The following GPR39 variants were observed in gnomAD, a reference collection of about 807,000 sequenced individuals.
GPR39 encodes zinc sensing receptor.
Under a neutral mutation model 18.4 loss-of-function variants are expected in GPR39, and 23 were observed. The ratio of observed to expected loss-of-function variants is 1.25; its 90% CI spans 0.90 to 1.77. The LOEUF is 1.77. Among genes scored for constraint, GPR39 ranks in the 40% most tolerant of loss-of-function variants. The pLI, the probability that GPR39 is intolerant of heterozygous loss-of-function variation, is 0.00. For synonymous variants in GPR39, 280 were observed against 257.9 expected, an observed-to-expected ratio of 1.09 and a Z score of -0.82; for missense variants, 647 against 602.4, an observed-to-expected ratio of 1.07 and a Z score of -0.78.
chr2:132,593,763 T>C (rs1464815668), intron 1 of GPR39, among the ~76,000 whole-genome samples: 2 of 152,028 alleles, frequency 1.3e-5, no homozygotes, highest in Admixed American at 1.3e-4. Context: ...CAGGTCCTGG[T>C]TGGAGGATGA....
rs557623743 is a variant in GPR39 at position 132,557,272 on chromosome 2, C to T, written c.857-87829C>T. ...AGGGGAAGTTGGAGTGAACCAAGAT[C>T]GCACCATTGCACTCCAGCCTGGGCA... On this transcript the variant is annotated intron_variant, in intron 1 of 1. Coordinates refer to ENST00000329321, the MANE Select transcript of GPR39 (RefSeq NM_001508.3). 2.6e-4 allele frequency among the ~76,000 whole-genome samples: 39 copies of T among 152,212 alleles called. 2 individuals are homozygous for T. Among genetic ancestry groups the T allele is most frequent in the East Asian group, 1.9e-3 (10 of 5,156 alleles).
intron 1 of GPR39, among the ~76,000 whole-genome samples, chr2:132,591,522 G>C (rs1211122937): frequency 6.6e-6 from 1 of 152,138 alleles, no homozygotes; most frequent in Non-Finnish European, 1.5e-5. Context: ...TCAGCTTGCA[G>C]AGGGCCTATT....
intron 1 of GPR39, among the ~76,000 whole-genome samples, chr2:132,588,049 T>C (rs1680762539): frequency 6.6e-6 from 1 of 152,130 alleles, no homozygotes; most frequent in Non-Finnish European, 1.5e-5. Context: ...GTATAGGATC[T>C]TGACATCCTA....
chr2:132,425,945 C>T (rs1304076662), intron 1 of GPR39, among the ~76,000 whole-genome samples: 1 of 152,176 alleles, frequency 6.6e-6, no homozygotes, highest in East Asian at 1.9e-4. Flanking sequence ...CATACCTTGC[C>T]TGGATCTCTG....
intron 1 of GPR39, among the ~76,000 whole-genome samples, chr2:132,639,307 C>T (rs1158067878): frequency 6.6e-6 from 1 of 152,014 alleles, no homozygotes; most frequent in African/African-American, 2.4e-5. Flanking sequence ...AGATGTCTAA[C>T]CCTTGCTCAC....
chr2:132,623,741 T>C lies in GPR39; in HGVS notation c.857-21360T>C, dbSNP rs555829734. Among the ~76,000 whole-genome samples the C allele has an allele frequency of 5.3e-5, 8 of 152,280 alleles. No homozygotes were observed. The South Asian group carries it at 1.2e-3, about 24-fold the overall frequency. Reference sequence around the variant, plus strand: ...CTTCTAGCTGGAAACATTTCTGTGATGATTAAAGCAAAAATCCTGGAACCC... The same window carrying C: ...CTTCTAGCTGGAAACATTTCTGTGACGATTAAAGCAAAAATCCTGGAACCC... On this transcript the variant is annotated intron_variant, in intron 1 of 1. Coordinates refer to ENST00000329321, the MANE Select transcript of GPR39 (RefSeq NM_001508.3).
chr2:132,618,824 G>C (rs1395229574), intron 1 of GPR39, among the ~76,000 whole-genome samples: 1 of 152,250 alleles, frequency 6.6e-6, no homozygotes, highest in African/African-American at 2.4e-5. Flanking sequence ...CTGTGGTTGT[G>C]GAGGTCCCTA....
chr2:132,441,706 A>G (rs965642415), intron 1 of GPR39, among the ~76,000 whole-genome samples: 2 of 152,194 alleles, frequency 1.3e-5, no homozygotes, highest in African/African-American at 4.8e-5. Context: ...GAGGAAAGCA[A>G]TAGTTTAAAC....
Position 132,646,516 on chromosome 2 carries a change from A to G in GPR39, c.*910A>G, listed in dbSNP as rs1387679438. ...GTTCCAAAAGCGATTTGAGATGCCA[A>G]TACCTGTGAATACCTGTTAATAAAG... is the stretch of plus-strand genomic sequence containing the variant. On this transcript the variant is annotated 3_prime_UTR_variant, in exon 2 of 2. Transcript: ENST00000329321. 2 of 385,684 alleles carry G rather than the reference A, an allele frequency of 5.2e-6. No individual in the cohort carries two copies. The highest frequency in any genetic ancestry group is 4.1e-5 in the African/African-American group (2 of 48,406). 23.9% of individuals were successfully genotyped at this position (385,684 alleles called of 1,614,324 possible). A position where few individuals can be genotyped will look rare whatever the true frequency, so the allele number is the denominator to read the frequency against.
At chr2:132,594,592 C>T (rs1680904288) in intron 1 of GPR39, among the ~76,000 whole-genome samples, 1 of 151,718 alleles carries the variant, frequency 6.6e-6, no homozygotes, top group Non-Finnish European at 1.5e-5. Flanking sequence ...TCCCTGCCTC[C>T]CACCCAAACC....
intron 1 of GPR39, among the ~76,000 whole-genome samples, chr2:132,464,853 G>A (rs1226864252): frequency 1.3e-5 from 2 of 152,160 alleles, no homozygotes; most frequent in East Asian, 3.9e-4. Context: ...TATTAGTCTT[G>A]TTCTCTTACA....
chr2:132,569,020 A>G (rs926025435), intron 1 of GPR39, among the ~76,000 whole-genome samples: 10 of 152,062 alleles, frequency 6.6e-5, no homozygotes, highest in Admixed American at 2.6e-4. Flanking sequence ...TGCATAGACT[A>G]AGCGCCTTGG....
chr2:132,487,805 T>G (rs1681372457), intron 1 of GPR39, among the ~76,000 whole-genome samples: 1 of 151,960 alleles, frequency 6.6e-6, no homozygotes, highest in Non-Finnish European at 1.5e-5. Context: ...ATGAGAAAGT[T>G]TACAGATATC....
At chr2:132,597,335 A>G (rs1231945261) in intron 1 of GPR39, among the ~76,000 whole-genome samples, 1 of 152,212 alleles carries the variant, frequency 6.6e-6, no homozygotes, top group Non-Finnish European at 1.5e-5. Context: ...AAACTTCTGC[A>G]AACCCTTTCT....
chr2:132,619,830 GACACAC>G (rs59907073), intron 1 of GPR39, among the ~76,000 whole-genome samples: 28 of 138,564 alleles, frequency 2.0e-4, no homozygotes, highest in Admixed American at 8.4e-4. Context: ...CACAGACACA[GACACAC>G]ACACACACAC....
At chr2:132,547,379 G>A (rs1394776737) in intron 1 of GPR39, among the ~76,000 whole-genome samples, 5 of 152,156 alleles carry the variant, frequency 3.3e-5, no homozygotes, top group South Asian at 2.1e-4. Flanking sequence ...AGGATGCCTG[G>A]GGAGGTTTAT....
chr2:132,645,735 G>A lies in GPR39; in HGVS notation c.*129G>A. The A allele has an allele frequency of 7.7e-7, 1 of 1,290,508 alleles. No homozygotes were observed. Among genetic ancestry groups the A allele is most frequent in the Non-Finnish European group, 1.1e-6 (1 of 951,220 alleles). The allele number at this position is 1,290,508 out of a possible 1,614,324, so 79.9% of individuals were successfully genotyped here. ...GACACTGGAGGCTTTACAAAAGGCA[G>A]ATGCCCACCTCAGTGACTTCTAAGG... is the stretch of plus-strand genomic sequence containing the variant. On this transcript the variant is annotated 3_prime_UTR_variant, in exon 2 of 2. Coordinates refer to ENST00000329321, the MANE Select transcript of GPR39 (RefSeq NM_001508.3).
intron 1 of GPR39, among the ~76,000 whole-genome samples, chr2:132,521,290 G>A (rs771452573): frequency 6.6e-6 from 1 of 152,330 alleles, no homozygotes; most frequent in South Asian, 2.1e-4. Flanking sequence ...TGTGAATAGC[G>A]AAAGAACAAA....
At chr2:132,637,468 T>C (rs1681783096) in intron 1 of GPR39, among the ~76,000 whole-genome samples, 1 of 152,218 alleles carries the variant, frequency 6.6e-6, no homozygotes, top group Non-Finnish European at 1.5e-5. Context: ...CATCAAACCG[T>C]CTGTCTTCAT....
Sources: gnomAD v4.1 joint callset for allele counts (sites outside exome capture counted in the v4.1 genomes callset) on GRCh38, gnomAD v4.1.1 for gene constraint, MANE v1.5 for transcripts, NCBI Gene and HGNC (gene_info 2026-07-23, HGNC 2026-07-21) for gene names.